LIN7A: variants seen among roughly 807,000 people sequenced by gnomAD.
LIN7A encodes the protein protein lin-7 homolog A.
In LIN7A, 25 loss-of-function variants were observed where a neutral mutation model predicts 29.8. That is an observed-to-expected ratio of 0.84 (90% CI 0.61 to 1.17). The LOEUF (loss-of-function observed/expected upper bound fraction) is 1.17. Ranked by LOEUF, LIN7A falls within the 50% of genes most tolerant of loss-of-function variation. The pLI, the probability that LIN7A is intolerant of heterozygous loss-of-function variation, is 0.00. For missense variants in LIN7A, 239 were observed against 287.0 expected (o/e 0.83, Z 1.21); for synonymous variants, 118 against 107.5 (o/e 1.10, Z -0.60).
Position 80,868,999 on chromosome 12 carries a change from A to G in LIN7A, c.201+20252T>C, listed in dbSNP as rs530556798. The stretch of plus-strand genomic sequence containing the variant: ...CTTAAGAAAGATGGATACGAAGGCA[A>G]TATGTAATCTAAACCATGACATGAT... On this transcript the variant is annotated intron_variant, in intron 2 of 5. Coordinates refer to ENST00000552864, the MANE Select transcript of LIN7A (RefSeq NM_004664.4). 1.9e-3 allele frequency among the ~76,000 whole-genome samples: 296 copies of G among 152,282 alleles called. 1 individual carries two copies. Among genetic ancestry groups the G allele is most frequent in the Non-Finnish European group, 3.6e-3 (247 of 68,008 alleles).
At chr12:80,860,087 C>A (rs142568318) in intron 2 of LIN7A, among the ~76,000 whole-genome samples, 2 of 152,092 alleles carry the variant, frequency 1.3e-5, no homozygotes, top group Non-Finnish European at 2.9e-5. Context: ...CAAGAAATAA[C>A]CTTGAATATC....
chr12:80,848,413 G>T, intron 2 of LIN7A, 91 bp from the exon 3 acceptor site: 1 of 991,702 alleles, frequency 1.0e-6, no homozygotes, highest in Non-Finnish European at 1.5e-6. Context: ...TTCACTGTAG[G>T]AAAAAAATTC....
In LIN7A at chr12:80,797,567, G is replaced by A. The variant is rs2121470606; in HGVS notation, c.*160C>T. On this transcript the variant is annotated 3_prime_UTR_variant, in exon 6 of 6. Transcript: ENST00000552864. ...GGCGGTTCAAGCCCAGAGAAAGAAG[G>A]TGTTGAGTTGCCTTGGTAAAGAATT... 6.5e-6 allele frequency: 1 copy of A among 152,740 alleles called. No homozygotes were observed. 9.5% of individuals were successfully genotyped at this position (152,740 alleles called of 1,614,324 possible).
chr12:80,890,457 A>G (rs201579168), intron 1 of LIN7A, among the ~76,000 whole-genome samples: 1 of 152,172 alleles, frequency 6.6e-6, no homozygotes, highest in Non-Finnish European at 1.5e-5. Flanking sequence ...CCAGCTTAAC[A>G]AGAGTATGAT....
In LIN7A at chr12:80,845,712, G is replaced by A. The variant is rs1873041342; in HGVS notation, c.483+18C>T. Reference sequence around the variant, plus strand: ...AATGTGCTTAAGGAGAAAATCTCTGGTTATTTTATAAACATACCACTCCGT... The same window carrying A: ...AATGTGCTTAAGGAGAAAATCTCTGATTATTTTATAAACATACCACTCCGT... On this transcript the variant is annotated intron_variant, in intron 4 of 5. Coordinates refer to ENST00000552864, the MANE Select transcript of LIN7A (RefSeq NM_004664.4). 2 of 1,591,582 alleles carry A rather than the reference G, an allele frequency of 1.3e-6. No individual in the cohort carries two copies. The highest frequency in any genetic ancestry group is 1.4e-5 in the African/African-American group (1 of 73,722).
intron 1 of LIN7A, among the ~76,000 whole-genome samples, chr12:80,932,522 G>A (rs974074553): frequency 2.6e-5 from 4 of 152,174 alleles, no homozygotes; most frequent in Admixed American, 6.5e-5. Context: ...TCTTATGTAA[G>A]CATTTAAATG....
At chr12:80,911,395 A>G (rs1876742033) in intron 1 of LIN7A, among the ~76,000 whole-genome samples, 1 of 151,346 alleles carries the variant, frequency 6.6e-6, no homozygotes, top group African/African-American at 2.4e-5. Context: ...GAATACAGGT[A>G]CATGCCACTG....
At chr12:80,824,933 A>C (rs2121524468) in intron 4 of LIN7A, among the ~76,000 whole-genome samples, 1 of 152,324 alleles carries the variant, frequency 6.6e-6, no homozygotes, top group South Asian at 2.1e-4. Flanking sequence ...AGTAGAAAGC[A>C]TTTCCTCTGA....
At chr12:80,907,669 GA>G (rs1386501347) in intron 1 of LIN7A, among the ~76,000 whole-genome samples, 4 of 152,108 alleles carry the variant, frequency 2.6e-5, no homozygotes, top group Admixed American at 2.0e-4. Context: ...AAAGGCTATG[GA>G]AAAAAAGTGA....
intron 2 of LIN7A, among the ~76,000 whole-genome samples, chr12:80,869,846 G>A (rs1196853014): frequency 6.6e-6 from 1 of 151,356 alleles, no homozygotes; most frequent in South Asian, 2.1e-4. Context: ...CTGGGTAACT[G>A]AACATGACTT....
intron 2 of LIN7A, among the ~76,000 whole-genome samples, chr12:80,863,708 A>C (rs991410858): frequency 2.0e-5 from 3 of 152,176 alleles, no homozygotes; most frequent in African/African-American, 7.2e-5. Context: ...AACATAGAAA[A>C]ATTACTTTAA....
chr12:80,837,896 AC>A (rs1447866432), intron 4 of LIN7A, among the ~76,000 whole-genome samples: 2 of 151,314 alleles, frequency 1.3e-5, no homozygotes, highest in African/African-American at 4.9e-5. Context: ...CCAGATTATA[AC>A]CCTTTTTTTT....
chr12:80,826,330 T>G (rs1228383334), intron 4 of LIN7A, among the ~76,000 whole-genome samples: 1 of 152,228 alleles, frequency 6.6e-6, no homozygotes, highest in African/African-American at 2.4e-5. Flanking sequence ...TCACTAGTCA[T>G]GTAGCCACCC....
At chr12:80,842,318 A>T (rs1872860991) in intron 4 of LIN7A, among the ~76,000 whole-genome samples, 1 of 152,128 alleles carries the variant, frequency 6.6e-6, no homozygotes, top group South Asian at 2.1e-4. Flanking sequence ...ATCTGAAAAG[A>T]CATCTGATGT....
chr12:80,887,225 C>T (rs902059120), intron 2 of LIN7A, among the ~76,000 whole-genome samples: 5 of 152,114 alleles, frequency 3.3e-5, no homozygotes, highest in Non-Finnish European at 7.4e-5. Context: ...CTTCCCATTT[C>T]ACAGTGCTGC....
At chr12:80,876,887 C>T (rs370696646) in intron 2 of LIN7A, among the ~76,000 whole-genome samples, 12 of 151,918 alleles carry the variant, frequency 7.9e-5, no homozygotes, top group South Asian at 4.2e-4. Flanking sequence ...TTTGGGAGGC[C>T]GAGGCGGGCG....
At chr12:80,891,057 T>C (rs1484706629) in intron 1 of LIN7A, among the ~76,000 whole-genome samples, 2 of 152,102 alleles carry the variant, frequency 1.3e-5, no homozygotes, top group Non-Finnish European at 1.5e-5. Context: ...AGCAAAACTA[T>C]GGTGTTTTTC....
At chr12:80,929,075 C>T (rs1284944032) in intron 1 of LIN7A, among the ~76,000 whole-genome samples, 2 of 152,112 alleles carry the variant, frequency 1.3e-5, no homozygotes, top group African/African-American at 4.8e-5. Context: ...TCACACTGCT[C>T]ATGATGAATT....
At chr12:80,813,297 C>T (rs931843543) in intron 4 of LIN7A, among the ~76,000 whole-genome samples, 11 of 152,186 alleles carry the variant, frequency 7.2e-5, no homozygotes, top group African/African-American at 2.7e-4. Flanking sequence ...AGGCGTAAGC[C>T]ACCGTGCCTG....
Sources: allele counts gnomAD v4.1 joint callset (sites outside exome capture counted in the v4.1 genomes callset), GRCh38; gene constraint gnomAD v4.1.1; transcripts MANE v1.5; gene names NCBI Gene and HGNC (gene_info 2026-07-23, HGNC 2026-07-21).